EIF2AK4: variants seen among roughly 807,000 people sequenced by gnomAD.
EIF2AK4 encodes the protein eukaryotic translation initiation factor 2 alpha kinase 4.
A neutral mutation model predicts 211.1 loss-of-function variants in EIF2AK4; 139 were observed. That is an observed-to-expected ratio of 0.66 (90% CI 0.57 to 0.76). The LOEUF is 0.76. EIF2AK4 is among the 30% of genes least tolerant of loss of function. The pLI is 0.00. For synonymous variants in EIF2AK4, 710 were observed against 751.3 expected (o/e 0.94, Z 0.90); for missense variants, 1,664 against 2,043.8 (o/e 0.81, Z 3.58).
chr15:39,989,053 ACTTGATTCT>A (rs2034906678), intron 15 of EIF2AK4, among the ~76,000 whole-genome samples: 1 of 152,192 alleles, frequency 6.6e-6, no homozygotes, highest in Non-Finnish European at 1.5e-5. Flanking sequence ...CTGCCAAGTT[ACTTGATTCT>A]AACTGAATTA....
intron 9 of EIF2AK4, among the ~76,000 whole-genome samples, chr15:39,972,342 C>T (rs1490858281): frequency 7.4e-6 from 1 of 135,688 alleles, no homozygotes; most frequent in Non-Finnish European, 1.7e-5. Context: ...ACGGCAAGAC[C>T]CTATTTCAAA....
Position 39,973,580 on chromosome 15 carries a change from G to C in EIF2AK4, c.1661-12G>C. 3 of 1,606,004 alleles carry C rather than the reference G, an allele frequency of 1.9e-6. No individual in the cohort carries two copies. In the South Asian group the frequency reaches 3.3e-5, roughly 18 times the overall value. On this transcript the variant is annotated splice_polypyrimidine_tract_variant and intron_variant, in intron 10 of 38. Coordinates refer to ENST00000263791, the MANE Select transcript of EIF2AK4 (RefSeq NM_001013703.4). ...ATGCCTCATGTGCCTCTTACTCCCT[G>C]TTTTATCTCAGATTCTGAAGGACAA...
intron 38 of EIF2AK4, 57 bp from the exon 39 acceptor site, chr15:40,034,970 T>C: frequency 7.2e-7 from 1 of 1,383,148 alleles, no homozygotes; most frequent in East Asian, 2.3e-5. Context: ...ATTTATTAGC[T>C]CTGTTCTTCA....
intron 13 of EIF2AK4, among the ~76,000 whole-genome samples, chr15:39,983,631 G>T (rs1344369263): frequency 1.3e-5 from 2 of 152,182 alleles, no homozygotes; most frequent in African/African-American, 4.8e-5. Context: ...TGGTAGAGAA[G>T]GGGTTTCTCC....
chr15:40,034,888 C>G, intron 38 of EIF2AK4, 139 bp from the exon 39 acceptor site: 2 of 598,368 alleles, frequency 3.3e-6, no homozygotes, highest in Non-Finnish European at 5.7e-6. Flanking sequence ...TGTATAAAAC[C>G]TATATAATTT....
rs1402970558 is a variant in EIF2AK4, at chr15:39,967,449, G to A, written c.1123G>A (p.Val375Met). 1 of 1,614,020 alleles carries A rather than the reference G, an allele frequency of 6.2e-7. No individual in the cohort carries two copies. The highest frequency in any genetic ancestry group is 2.2e-5 in the East Asian group (1 of 44,872). Reference sequence around the variant, plus strand: ...CAAAGAGCAAGACGACTCCATCGTGGTGGACATTTTAGTGGAGCACATTAG... The same window carrying A: ...CAAAGAGCAAGACGACTCCATCGTGATGGACATTTTAGTGGAGCACATTAG... ...NLKEQDDSIV[V>M]DILVEHISGV... Residue 375 changes from valine to methionine, a missense_variant, in exon 9 of 39, where the codon GTG (valine) becomes ATG (methionine). Around this residue, in one of 7 missense-constraint regions of EIF2AK4, gnomAD observed 641 missense variants for 729.6 expected, o/e 0.88. Transcript: ENST00000263791.
intron 1 of EIF2AK4, among the ~76,000 whole-genome samples, chr15:39,934,739 G>T (rs1391453238): frequency 6.6e-6 from 1 of 152,054 alleles, no homozygotes; most frequent in Admixed American, 6.5e-5. Context: ...ACGCTTTTTG[G>T]GCTCTCGCAC....
chr15:39,966,299 G>A (rs1413672387), intron 8 of EIF2AK4, among the ~76,000 whole-genome samples: 1 of 151,792 alleles, frequency 6.6e-6, no homozygotes, highest in Non-Finnish European at 1.5e-5. Flanking sequence ...GTGAAACCCT[G>A]TCTCTACAAA....
At chr15:40,002,646 G>C in intron 21 of EIF2AK4, 67 bp from the exon 22 acceptor site, 1 of 1,551,966 alleles carries the variant, frequency 6.4e-7, no homozygotes, top group Non-Finnish European at 8.9e-7. Flanking sequence ...GCAAGCCACA[G>C]ATTAATATTT....
intron 9 of EIF2AK4, among the ~76,000 whole-genome samples, chr15:39,970,392 G>A (rs998446459): frequency 6.6e-6 from 1 of 152,068 alleles, no homozygotes; most frequent in Non-Finnish European, 1.5e-5. Context: ...AGTTGATAAC[G>A]CAATTCAGAA....
Position 39,967,792 on chromosome 15 carries a change from T to G in EIF2AK4, c.1466T>G (p.Leu489Arg). The stretch of plus-strand genomic sequence containing the variant: ...GTTTGGCGTCTTGGCCTTCTGCTGC[T>G]GTCCCTCAGCCAAGGACAGGAATGT... ...GDVWRLGLLLLSLSQGQECGE... is the reference protein window; with the variant it reads ...GDVWRLGLLLRSLSQGQECGE... The change falls in exon 9 of 39, where the codon CTG becomes CGG. Residue 489 changes from leucine (L) to arginine (R), a missense_variant. Physicochemically the swap from Leu to Arg is moderately radical, Grantham distance 102. Around this residue, in one of 7 missense-constraint regions of EIF2AK4, gnomAD observed 641 missense variants for 729.6 expected, o/e 0.88. Transcript: ENST00000263791. 1 of 1,614,266 alleles carries G rather than the reference T, an allele frequency of 6.2e-7. No homozygotes were observed.
Position 39,965,832 on chromosome 15 carries a change from T to G in EIF2AK4, c.1006T>G (p.Cys336Gly), listed in dbSNP as rs2034536771. The G allele has an allele frequency of 6.2e-7, 1 of 1,613,720 alleles. No homozygotes were observed. Among genetic ancestry groups the G allele is most frequent in the Admixed American group, 1.7e-5 (1 of 59,948 alleles). ...TCAAGAAAAAGAGAAGATTGATAAGTGCAAAAAGCAGGTAAGCATCCAAGG... is the reference window on the plus strand; with the variant it reads ...TCAAGAAAAAGAGAAGATTGATAAGGGCAAAAAGCAGGTAAGCATCCAAGG... Reference protein sequence around the residue: ...TSQEKEKIDKCKKQIQGTETE... With the variant: ...TSQEKEKIDKGKKQIQGTETE... Residue 336 changes from cysteine (C) to glycine (G), a missense_variant, in exon 8 of 39, where the codon TGC (cysteine) becomes GGC (glycine). Cys to Gly is a radical substitution (Grantham distance 159). This residue lies in a region of EIF2AK4 where 641 missense variants were observed against 729.6 expected (regional missense o/e 0.88). Coordinates refer to ENST00000263791, the MANE Select transcript of EIF2AK4 (RefSeq NM_001013703.4).
chr15:39,994,080 A>G (rs2034987111), intron 18 of EIF2AK4, among the ~76,000 whole-genome samples: 1 of 152,238 alleles, frequency 6.6e-6, no homozygotes, highest in African/African-American at 2.4e-5. Flanking sequence ...AAGGACAGAC[A>G]TAAGAGGAAG....
At chr15:40,006,143 T>C (rs1427772170) in intron 23 of EIF2AK4, among the ~76,000 whole-genome samples, 1 of 152,180 alleles carries the variant, frequency 6.6e-6, no homozygotes, top group Non-Finnish European at 1.5e-5. Context: ...TTTTTTTAAA[T>C]GTATGTCATA....
chr15:40,011,617 G>C (rs776108987), intron 27 of EIF2AK4, among the ~76,000 whole-genome samples: 4 of 152,130 alleles, frequency 2.6e-5, no homozygotes, highest in African/African-American at 4.8e-5. Flanking sequence ...ACTTTTCTTT[G>C]TCACCCCTTA....
At chr15:39,946,617 C>A (rs1206306728) in intron 3 of EIF2AK4, 1 of 701,118 alleles carries the variant, frequency 1.4e-6, no homozygotes, top group Admixed American at 2.0e-5. Flanking sequence ...TTGACCCCAA[C>A]TTTGAAAGAA....
In EIF2AK4 at chr15:39,988,067, C is replaced by T. The variant is rs370269120; in HGVS notation, c.2488C>T (p.Arg830Ter). The T allele has an allele frequency of 5.0e-6, 8 of 1,614,046 alleles. No homozygotes were observed. The highest frequency in any genetic ancestry group is 6.8e-6 in the Non-Finnish European group (8 of 1,179,976). ...CACCGTCAGACTCTGGAGGCTTTTT[C>T]GAGAGATTCTGGATGGATTAGCTTA... is the stretch of plus-strand genomic sequence containing the variant. ...RDTVRLWRLF[R>*]EILDGLAYIH... The change falls in exon 15 of 39, where the codon CGA (arginine) becomes TGA (stop). Residue 830 changes from arginine (R) to a stop codon, truncating the protein, a stop_gained. Coordinates refer to ENST00000263791, the MANE Select transcript of EIF2AK4 (RefSeq NM_001013703.4). LOFTEE classifies it high-confidence loss of function.
intron 13 of EIF2AK4, 70 bp downstream of exon 13, chr15:39,978,217 G>A (rs55889118): frequency 8.6e-5 from 73 of 851,108 alleles, no homozygotes; most frequent in Middle Eastern, 7.6e-4. Context: ...ATAAACCTTA[G>A]GTAAAGTATT....
chr15:39,980,219 G>A (rs115414136), intron 13 of EIF2AK4, among the ~76,000 whole-genome samples: 1,619 of 152,186 alleles, frequency 0.011, 38 homozygotes, highest in African/African-American at 0.037. Context: ...TGAAATAGAC[G>A]TACGCTTACC....
Sources: allele counts gnomAD v4.1 joint callset (sites outside exome capture counted in the v4.1 genomes callset), GRCh38; gene constraint gnomAD v4.1.1; regional missense constraint gnomAD v4.1.1; transcripts MANE v1.5; gene names NCBI Gene and HGNC (gene_info 2026-07-23, HGNC 2026-07-21).